The following TECRL variants were observed in gnomAD, a reference collection of about 807,000 sequenced individuals.
The protein encoded by TECRL is trans-2,3-enoyl-CoA reductase like.
A neutral mutation model predicts 52.8 loss-of-function variants in TECRL; 63 were observed. The observed-to-expected ratio is 1.19, with a 90% CI of 0.97 to 1.47. The LOEUF (loss-of-function observed/expected upper bound fraction) is 1.47, where lower values mean the gene tolerates loss of function less well. Ranked by LOEUF, TECRL falls within the 40% of genes most tolerant of loss-of-function variation. TECRL has a pLI of 0.00. For missense variants in TECRL, 482 were observed against 429.6 expected (o/e 1.12, Z -1.08); for synonymous variants, 164 against 141.9 (o/e 1.16, Z -1.10).
chr4:64,297,359 A>T (rs554748926), intron 8 of TECRL, among the ~76,000 whole-genome samples: 1 of 151,420 alleles, frequency 6.6e-6, no homozygotes, highest in African/African-American at 2.4e-5. Flanking sequence ...AATTTAAATG[A>T]ATAATACTTT....
chr4:64,352,910 G>A (rs1160339916), intron 2 of TECRL, among the ~76,000 whole-genome samples: 2 of 152,028 alleles, frequency 1.3e-5, no homozygotes, highest in African/African-American at 2.4e-5. Flanking sequence ...TTTTACAGAT[G>A]GAGTCTCATT....
At chr4:64,339,080 A>G (rs1250074622) in intron 2 of TECRL, among the ~76,000 whole-genome samples, 1 of 152,032 alleles carries the variant, frequency 6.6e-6, no homozygotes, top group Non-Finnish European at 1.5e-5. Flanking sequence ...TGGCACATAT[A>G]CACCATGGAA....
intron 8 of TECRL, 115 bp from the exon 9 acceptor site, chr4:64,289,882 A>T (rs1723284993): frequency 5.0e-6 from 3 of 594,580 alleles, no homozygotes; most frequent in Non-Finnish European, 2.6e-6. Context: ...GATTCAAAAG[A>T]TATATATTTT....
Position 64,305,184 on chromosome 4 carries a change from G to T in TECRL, c.712C>A (p.Pro238Thr). Residue 238 changes from proline to threonine, a missense_variant, in exon 7 of 12, where the codon CCA becomes ACA. By Grantham distance (38) the Pro-to-Thr change is conservative (BLOSUM62 -1). Transcript: ENST00000381210. ...TSWIAYYINHPLYTPPSFGNR... is the reference protein window; with the variant it reads ...TSWIAYYINHTLYTPPSFGNR... Reference sequence around the variant, plus strand: ...TACATACATGGTGGTGTATATAGTGGATGATTAATGTAGTAGGCAATCCAA... The same window carrying T: ...TACATACATGGTGGTGTATATAGTGTATGATTAATGTAGTAGGCAATCCAA... 6.2e-7 allele frequency: 1 copy of T among 1,612,460 alleles called. No homozygotes were observed. The highest frequency in any genetic ancestry group is 8.5e-7 in the Non-Finnish European group (1 of 1,178,990).
chr4:64,366,368 C>T (rs746316673), intron 2 of TECRL, among the ~76,000 whole-genome samples: 2 of 151,996 alleles, frequency 1.3e-5, no homozygotes, highest in Non-Finnish European at 2.9e-5. Flanking sequence ...GATTTCATGA[C>T]AAAGATGCCA....
intron 2 of TECRL, among the ~76,000 whole-genome samples, chr4:64,346,425 G>T (rs915246789): frequency 6.6e-6 from 1 of 152,208 alleles, no homozygotes; most frequent in Non-Finnish European, 1.5e-5. Flanking sequence ...ACATCCGGGG[G>T]TTTCCATACC....
At chr4:64,349,795 A>G (rs577906524) in intron 2 of TECRL, among the ~76,000 whole-genome samples, 1 of 152,324 alleles carries the variant, frequency 6.6e-6, no homozygotes, top group Middle Eastern at 3.4e-3. Flanking sequence ...CATTTCCAGA[A>G]GGGCAATTTC....
chr4:64,321,891 G>A (rs181557170), intron 4 of TECRL, among the ~76,000 whole-genome samples: 11 of 152,178 alleles, frequency 7.2e-5, no homozygotes, highest in Admixed American at 2.6e-4. Context: ...TTTTTAACTG[G>A]ATATTCTATA....
At chr4:64,329,978 C>CTGTACTATTTACTGTACAGTAAAAT (rs1718521904) in intron 2 of TECRL, among the ~76,000 whole-genome samples, 1 of 150,684 alleles carries the variant, frequency 6.6e-6, no homozygotes, top group African/African-American at 2.4e-5. Context: ...GTACTATTTA[C>CTGTACTATTTACTGTACAGTAAAAT]TGTACTATTT....
chr4:64,342,308 C>T (rs546879453), intron 2 of TECRL, among the ~76,000 whole-genome samples: 7 of 152,002 alleles, frequency 4.6e-5, no homozygotes, highest in Non-Finnish European at 8.8e-5. Flanking sequence ...TTTTGATCAC[C>T]ACTAGTATAT....
intron 1 of TECRL, among the ~76,000 whole-genome samples, chr4:64,385,244 T>C (rs1723093519): frequency 6.6e-6 from 1 of 152,118 alleles, no homozygotes; most frequent in Admixed American, 6.6e-5. Context: ...CTGAACAGCA[T>C]GTTTGGCCAC....
chr4:64,324,601 T>G (rs183934618), intron 3 of TECRL, among the ~76,000 whole-genome samples: 2 of 152,132 alleles, frequency 1.3e-5, no homozygotes, highest in East Asian at 3.9e-4. Context: ...AATATACAAT[T>G]ATTGTATATT....
At chr4:64,295,019 A>C (rs985850109) in intron 8 of TECRL, among the ~76,000 whole-genome samples, 1 of 151,776 alleles carries the variant, frequency 6.6e-6, no homozygotes, top group Admixed American at 6.6e-5. Flanking sequence ...ATTATAATTT[A>C]TATTACTGTG....
At chr4:64,281,652 G>A (rs1215193638) in intron 9 of TECRL, 93 bp from the exon 10 acceptor site, 3 of 628,088 alleles carry the variant, frequency 4.8e-6, no homozygotes, top group South Asian at 2.8e-5. Flanking sequence ...CAAAATAACT[G>A]TGTACCACAT....
In TECRL at chr4:64,313,280, T is replaced by C. The variant is rs565063187; in HGVS notation, c.551+1368A>G. ...CTTAATTCACTTGGAGTTTATTTAA[T>C]GCATAAAATTTGTTCAGGTCTTTTT... On this transcript the variant is annotated intron_variant, in intron 5 of 11. Transcript: ENST00000381210. 3.9e-5 allele frequency among the ~76,000 whole-genome samples: 6 copies of C among 152,140 alleles called. No individual in the cohort carries two copies. The South Asian group carries it at 8.3e-4, about 21-fold the overall frequency.
In TECRL at chr4:64,331,542, A is replaced by G. The variant is rs370755140; in HGVS notation, c.287-2986T>C. Among the ~76,000 whole-genome samples the G allele has an allele frequency of 8.5e-5, 13 of 152,266 alleles. No homozygotes were observed. The East Asian group carries it at 1.3e-3, about 16-fold the overall frequency. ...AGGGACATGATAAATAATAAGATTA[A>G]CTCAAGAGAACATCACAAATATGGA... is the stretch of plus-strand genomic sequence containing the variant. On this transcript the variant is annotated intron_variant, in intron 2 of 11. Coordinates refer to ENST00000381210, the MANE Select transcript of TECRL (RefSeq NM_001010874.5).
intron 4 of TECRL, among the ~76,000 whole-genome samples, chr4:64,319,361 G>A (rs1412102137): frequency 6.6e-6 from 1 of 151,736 alleles, no homozygotes; most frequent in African/African-American, 2.4e-5. Flanking sequence ...ATAAGAAAAT[G>A]CAGGAGAGAA....
chr4:64,305,385 G>A (rs1435773957), intron 6 of TECRL, 147 bp from the exon 7 acceptor site: 1 of 656,474 alleles, frequency 1.5e-6, no homozygotes, highest in South Asian at 2.0e-5. Flanking sequence ...TATGTAAAAT[G>A]GTACAAATTG....
At position 64,314,740 on chromosome 4, in the gene TECRL, T is replaced by C. The variant is rs1717362617; in HGVS notation, c.459A>G (p.Gly153=). The change falls in exon 5 of 12, where the codon GGA becomes GGG. Residue 153 remains glycine, a synonymous_variant. Coordinates refer to ENST00000381210, the MANE Select transcript of TECRL (RefSeq NM_001010874.5). ...AAAAGAGGAGGTATATTAGCAGAGG[T>C]CCTGTGTATTCAGCCAAAAACACCT... is the stretch of plus-strand genomic sequence containing the variant. ...WTTVFLAEYT[G]PLLIYLLFYL... is the part of the protein sequence containing the mutation. 6.2e-7 allele frequency: 1 copy of C among 1,613,318 alleles called. No individual in the cohort carries two copies. The highest frequency in any genetic ancestry group is 1.1e-5 in the South Asian group (1 of 91,072).
Sources: gnomAD v4.1 joint callset for allele counts (sites outside exome capture counted in the v4.1 genomes callset) on GRCh38, gnomAD v4.1.1 for gene constraint, MANE v1.5 for transcripts, NCBI Gene and HGNC (gene_info 2026-07-23, HGNC 2026-07-21) for gene names.